Variants in MAP4K3 observed in about 807,000 individuals in gnomAD.
MAP4K3 encodes the protein mitogen-activated protein kinase kinase kinase kinase 3, also known as MAPK/ERK kinase kinase kinase 3.
A neutral mutation model predicts 143.5 loss-of-function variants in MAP4K3; 94 were observed. That is an observed-to-expected ratio of 0.65 (90% CI 0.55 to 0.78). The LOEUF (loss-of-function observed/expected upper bound fraction) is 0.78, where lower values mean the gene tolerates loss of function less well. Among genes scored for constraint, MAP4K3 ranks in the 30% least tolerant of loss-of-function variants. The pLI, the probability that MAP4K3 is intolerant of heterozygous loss-of-function variation, is 0.00. For missense variants in MAP4K3, 1,077 were observed against 1,068.1 expected (o/e 1.01, Z -0.12); for synonymous variants, 416 against 347.2 (o/e 1.20, Z -2.20).
At chr2:39,279,573 C>A (rs947204528) in intron 23 of MAP4K3, among the ~76,000 whole-genome samples, 1 of 152,030 alleles carries the variant, frequency 6.6e-6, no homozygotes, top group Non-Finnish European at 1.5e-5. Flanking sequence ...TGATTATGGC[C>A]CCTTTTAAGG....
intron 1 of MAP4K3, among the ~76,000 whole-genome samples, chr2:39,432,863 A>G (rs1665334424): frequency 6.6e-6 from 1 of 152,244 alleles, no homozygotes; most frequent in South Asian, 2.1e-4. Flanking sequence ...TGGAAGCTTA[A>G]CAACACGGCA....
chr2:39,370,334 G>A (rs1666046566), intron 2 of MAP4K3, among the ~76,000 whole-genome samples: 1 of 152,106 alleles, frequency 6.6e-6, no homozygotes, highest in Non-Finnish European at 1.5e-5. Context: ...TCATGATGGC[G>A]ATAAACACAA....
At chr2:39,256,124 G>A (rs1016119357) in intron 31 of MAP4K3, among the ~76,000 whole-genome samples, 6 of 152,028 alleles carry the variant, frequency 3.9e-5, no homozygotes, top group African/African-American at 1.4e-4. Context: ...GTTTTTCACT[G>A]ATTATTTAGG....
intron 1 of MAP4K3, among the ~76,000 whole-genome samples, chr2:39,417,637 C>A (rs1667422400): frequency 6.6e-6 from 1 of 152,184 alleles, no homozygotes; most frequent in Non-Finnish European, 1.5e-5. Flanking sequence ...AAAACAGATA[C>A]AGACAGAGAG....
intron 1 of MAP4K3, among the ~76,000 whole-genome samples, chr2:39,392,560 T>C (rs535146991): frequency 1.1e-4 from 16 of 152,332 alleles, no homozygotes; most frequent in Non-Finnish European, 1.9e-4. Context: ...CAAACTGATA[T>C]ATGTTTTATA....
intron 13 of MAP4K3, among the ~76,000 whole-genome samples, chr2:39,313,176 C>T (rs1328300096): frequency 2.0e-5 from 3 of 152,192 alleles, no homozygotes; most frequent in Non-Finnish European, 4.4e-5. Flanking sequence ...GGTCAATCAT[C>T]CCAGTCTGCG....
intron 1 of MAP4K3, among the ~76,000 whole-genome samples, chr2:39,382,023 G>A (rs147388169): frequency 1.3e-5 from 2 of 152,314 alleles, no homozygotes; most frequent in African/African-American, 4.8e-5. Flanking sequence ...GGTCTAGACC[G>A]ATCTCGGCTT....
intron 27 of MAP4K3, 115 bp from the exon 28 acceptor site, chr2:39,265,421 A>C: frequency 2.6e-6 from 2 of 755,132 alleles, no homozygotes; most frequent in Non-Finnish European, 4.7e-6. Flanking sequence ...ACAAAATCAA[A>C]AGCTGGTTGC....
intron 1 of MAP4K3, among the ~76,000 whole-genome samples, chr2:39,391,730 T>A (rs1201488317): frequency 3.3e-5 from 5 of 152,114 alleles, no homozygotes; most frequent in African/African-American, 7.2e-5. Context: ...CTTGGGGGAA[T>A]GAAGGCAGAA....
At chr2:39,310,453 G>T (rs569074328) in intron 13 of MAP4K3, among the ~76,000 whole-genome samples, 21 of 152,164 alleles carry the variant, frequency 1.4e-4, no homozygotes, top group African/African-American at 4.6e-4. Flanking sequence ...ATAATATTCT[G>T]TTGTGTATAT....
intron 15 of MAP4K3, among the ~76,000 whole-genome samples, chr2:39,301,654 T>C (rs1334384246): frequency 2.0e-5 from 3 of 152,094 alleles, no homozygotes; most frequent in Non-Finnish European, 4.4e-5. Flanking sequence ...GCTCATCTGA[T>C]ATAAGACAAG....
chr2:39,316,050 A>C (rs1683103847), intron 12 of MAP4K3, among the ~76,000 whole-genome samples: 1 of 151,574 alleles, frequency 6.6e-6, no homozygotes, highest in African/African-American at 2.4e-5. Context: ...CAGAAGCTTT[A>C]TTTTTTTTAA....
intron 15 of MAP4K3, among the ~76,000 whole-genome samples, chr2:39,304,490 A>C (rs1188269651): frequency 6.6e-6 from 1 of 152,222 alleles, no homozygotes; most frequent in Non-Finnish European, 1.5e-5. Flanking sequence ...ATTAGAACAC[A>C]GAAATAACTA....
intron 3 of MAP4K3, among the ~76,000 whole-genome samples, chr2:39,345,494 C>T (rs1192709953): frequency 6.6e-6 from 1 of 152,012 alleles, no homozygotes; most frequent in Non-Finnish European, 1.5e-5. Context: ...ATTAGCTGGA[C>T]CTAAGAGGTG....
At chr2:39,262,689 G>T (rs922936349) in intron 28 of MAP4K3, among the ~76,000 whole-genome samples, 1 of 152,140 alleles carries the variant, frequency 6.6e-6, no homozygotes, top group Admixed American at 6.5e-5. Context: ...TATTGTCCTC[G>T]AGGGCAGCAA....
chr2:39,353,056 T>G (rs1196891346), intron 3 of MAP4K3, among the ~76,000 whole-genome samples: 2 of 152,226 alleles, frequency 1.3e-5, no homozygotes, highest in Non-Finnish European at 2.9e-5. Flanking sequence ...CTGGCCTTTC[T>G]GGGCTAAGCA....
chr2:39,300,825 G>A (rs1434025062), intron 15 of MAP4K3, among the ~76,000 whole-genome samples: 4 of 152,148 alleles, frequency 2.6e-5, no homozygotes, highest in Admixed American at 2.6e-4. Context: ...CACTTACACT[G>A]CATTTTAATC....
chr2:39,322,590 A>ATGTGTG (rs1435720329), intron 12 of MAP4K3, among the ~76,000 whole-genome samples: 4 of 48,144 alleles, frequency 8.3e-5, no homozygotes, highest in South Asian at 6.5e-4. Context: ...TAGATGTGGT[A>ATGTGTG]TATGTGTGTG....
At chr2:39,287,154 T>A (rs1010072344) in intron 20 of MAP4K3, among the ~76,000 whole-genome samples, 190 bp from the exon 21 acceptor site, 2 of 152,252 alleles carry the variant, frequency 1.3e-5, no homozygotes, top group African/African-American at 4.8e-5. Flanking sequence ...TATACCTCTA[T>A]TTCTGGCATA....
Sources: gnomAD v4.1 joint callset for allele counts (sites outside exome capture counted in the v4.1 genomes callset) on GRCh38, gnomAD v4.1.1 for gene constraint, MANE v1.5 for transcripts, NCBI Gene and HGNC (gene_info 2026-07-23, HGNC 2026-07-21) for gene names.